The following KCNIP4 variants were observed in gnomAD, a reference collection of about 807,000 sequenced individuals.
The protein encoded by KCNIP4 is Kv channel-interacting protein 4.
In KCNIP4, 12 loss-of-function variants were observed where a neutral mutation model predicts 34.0. That is an observed-to-expected ratio of 0.35 (90% CI 0.23 to 0.57). The LOEUF is 0.57. KCNIP4 is among the 20% of genes least tolerant of loss of function. KCNIP4 has a pLI of 0.83. For missense variants in KCNIP4, 238 were observed against 311.7 expected, an observed-to-expected ratio of 0.76 and a Z score of 1.78; for synonymous variants, 124 against 102.2, an observed-to-expected ratio of 1.21 and a Z score of -1.29.
At chr4:21,886,230 A>C (rs1226589620) in intron 1 of KCNIP4, among the ~76,000 whole-genome samples, 3 of 152,134 alleles carry the variant, frequency 2.0e-5, no homozygotes, top group Non-Finnish European at 4.4e-5. Flanking sequence ...GTTATGTTAT[A>C]AACTGATTTA....
intron 1 of KCNIP4, among the ~76,000 whole-genome samples, chr4:21,618,744 T>G (rs1269567821): frequency 6.0e-5 from 9 of 149,362 alleles, no homozygotes; most frequent in South Asian, 2.2e-4. Context: ...GCCATTCTCC[T>G]GCCTCAGCCT....
At chr4:21,261,502 C>T (rs1009632645) in intron 1 of KCNIP4, among the ~76,000 whole-genome samples, 1 of 152,142 alleles carries the variant, frequency 6.6e-6, no homozygotes, top group African/African-American at 2.4e-5. Context: ...ATGAACATCA[C>T]CAAGAATCCT....
At chr4:21,363,176 T>C (rs1416169166) in intron 1 of KCNIP4, among the ~76,000 whole-genome samples, 3 of 152,160 alleles carry the variant, frequency 2.0e-5, no homozygotes, top group Non-Finnish European at 4.4e-5. Flanking sequence ...TGAATGCTTG[T>C]CTGATTCTAC....
At chr4:21,182,556 C>A (rs892925899) in intron 1 of KCNIP4, among the ~76,000 whole-genome samples, 3 of 152,048 alleles carry the variant, frequency 2.0e-5, no homozygotes, top group Middle Eastern at 3.4e-3. Context: ...TTCCATGTAA[C>A]CATCACATGA....
In KCNIP4 at chr4:21,866,025, T is replaced by C. The variant is rs964151458; in HGVS notation, c.61+82546A>G. Among the ~76,000 whole-genome samples the C allele has an allele frequency of 5.9e-5, 9 of 151,872 alleles. No homozygotes were observed. The East Asian group carries it at 1.4e-3, about 23-fold the overall frequency. Reference sequence around the variant, plus strand: ...TGATGAACTTAATAAAAAATAAATCTCAATACAAAAATAAATGCAACAAGA... The same window carrying C: ...TGATGAACTTAATAAAAAATAAATCCCAATACAAAAATAAATGCAACAAGA... On this transcript the variant is annotated intron_variant, in intron 1 of 8. Coordinates refer to ENST00000382152, the MANE Select transcript of KCNIP4 (RefSeq NM_025221.6).
chr4:21,743,866 T>C (rs16871821), intron 1 of KCNIP4, among the ~76,000 whole-genome samples: 12,858 of 149,938 alleles, frequency 0.086, 1,877 homozygotes, highest in African/African-American at 0.3. Flanking sequence ...TCTTCATCCA[T>C]AGTTAATGGA....
At chr4:20,960,546 T>G (rs915557571) in intron 1 of KCNIP4, among the ~76,000 whole-genome samples, 16 of 152,290 alleles carry the variant, frequency 1.1e-4, no homozygotes, top group African/African-American at 3.8e-4. Context: ...TTTCACCTCA[T>G]GCACAGGGAG....
intron 1 of KCNIP4, among the ~76,000 whole-genome samples, chr4:21,743,771 CA>C (rs1429178109): frequency 6.7e-6 from 1 of 149,726 alleles, no homozygotes; most frequent in Non-Finnish European, 1.5e-5. Context: ...ACCAAGATAA[CA>C]AGAGAGAAGA....
chr4:21,062,892 T>C (rs774407894), intron 1 of KCNIP4, among the ~76,000 whole-genome samples: 16 of 152,172 alleles, frequency 1.1e-4, no homozygotes, highest in African/African-American at 2.9e-4. Context: ...ATGATCTGTT[T>C]TGCTCAGCCT....
chr4:21,738,836 A>G (rs1716198358), intron 1 of KCNIP4, among the ~76,000 whole-genome samples: 1 of 152,154 alleles, frequency 6.6e-6, no homozygotes. Flanking sequence ...TATTCTGTAG[A>G]CAACGGCATA....
In KCNIP4 at chr4:20,741,942, C is replaced by T. The variant is rs190526261; in HGVS notation, c.430-7207G>A. Among the ~76,000 whole-genome samples, 48 of 152,268 alleles carry T rather than the reference C, an allele frequency of 3.2e-4. No individual in the cohort carries two copies. The East Asian group carries it at 8.3e-3, about 26-fold the overall frequency. On this transcript the variant is annotated intron_variant, in intron 5 of 8. Coordinates refer to ENST00000382152, the MANE Select transcript of KCNIP4 (RefSeq NM_025221.6). ...TACCATCAGAGAATACGATGAACAC[C>T]TCTATGCGAATAAACTAGAAAATCT...
At chr4:21,303,464 A>G (rs1424187009) in intron 1 of KCNIP4, among the ~76,000 whole-genome samples, 1 of 152,208 alleles carries the variant, frequency 6.6e-6, no homozygotes, top group African/African-American at 2.4e-5. Context: ...CCGATACAAT[A>G]AAAGGAGGTA....
Position 21,474,933 on chromosome 4 carries a change from G to A in KCNIP4, c.61+473638C>T, listed in dbSNP as rs375584332. On this transcript the variant is annotated intron_variant, in intron 1 of 8. Coordinates refer to ENST00000382152, the MANE Select transcript of KCNIP4 (RefSeq NM_025221.6). ...GGACAATCGCTTGAACCTGGGAGGC[G>A]GAGGTTGCAGTGAGCCGAGACTGCA... 8.7e-5 allele frequency among the ~76,000 whole-genome samples: 13 copies of A among 150,154 alleles called. No individual in the cohort carries two copies. The South Asian group carries it at 1.3e-3, about 15-fold the overall frequency.
chr4:20,764,372 A>T (rs77499185), intron 3 of KCNIP4, among the ~76,000 whole-genome samples: 2,194 of 152,236 alleles, frequency 0.014, 49 homozygotes, highest in African/African-American at 0.05. Flanking sequence ...TAGTGACTGC[A>T]TAATAATGCA....
At chr4:21,401,650 A>G (rs1258348800) in intron 1 of KCNIP4, among the ~76,000 whole-genome samples, 1 of 152,262 alleles carries the variant, frequency 6.6e-6, no homozygotes, top group Non-Finnish European at 1.5e-5. Flanking sequence ...CAGGGAATTA[A>G]GGAGCAGAGT....
chr4:21,632,871 G>T (rs1745861817), intron 1 of KCNIP4, among the ~76,000 whole-genome samples: 1 of 152,108 alleles, frequency 6.6e-6, no homozygotes, highest in Non-Finnish European at 1.5e-5. Context: ...TTCCATGAAA[G>T]CATTAAAAAC....
At chr4:21,096,641 T>G (rs1374029293) in intron 1 of KCNIP4, among the ~76,000 whole-genome samples, 2 of 152,178 alleles carry the variant, frequency 1.3e-5, no homozygotes, top group East Asian at 1.9e-4. Context: ...ATAGCTCTTT[T>G]AAATGTAGAA....
At chr4:21,872,507 A>G (rs1050195554) in intron 1 of KCNIP4, among the ~76,000 whole-genome samples, 20 of 152,320 alleles carry the variant, frequency 1.3e-4, no homozygotes, top group African/African-American at 4.3e-4. Flanking sequence ...AGGTCGAAGT[A>G]CAGAATCGTG....
intron 1 of KCNIP4, among the ~76,000 whole-genome samples, chr4:21,012,488 G>T (rs925129051): frequency 6.6e-6 from 1 of 152,170 alleles, no homozygotes; most frequent in African/African-American, 2.4e-5. Context: ...GATTGCTTGA[G>T]CCTAGGAGGT....
Sources: allele counts gnomAD v4.1 joint callset (sites outside exome capture counted in the v4.1 genomes callset), GRCh38; gene constraint gnomAD v4.1.1; transcripts MANE v1.5; gene names NCBI Gene and HGNC (gene_info 2026-07-23, HGNC 2026-07-21).